Variants in KCNN3 observed in about 807,000 individuals in gnomAD.
KCNN3 encodes small conductance calcium-activated potassium channel protein 3.
In KCNN3, 16 loss-of-function variants were observed where a neutral mutation model predicts 62.9. The observed-to-expected ratio is 0.25, with a 90% CI of 0.17 to 0.39. KCNN3 has a LOEUF of 0.39. KCNN3 is among the 10% of genes least tolerant of loss of function. The pLI is 1.00. For synonymous variants in KCNN3, 370 were observed against 389.2 expected (o/e 0.95, Z 0.58); for missense variants, 599 against 949.4 (o/e 0.63, Z 4.85).
chr1:154,856,395 A>G (rs752175732), intron 1 of KCNN3, among the ~76,000 whole-genome samples: 39 of 152,186 alleles, frequency 2.6e-4, no homozygotes, highest in Non-Finnish European at 4.6e-4. Context: ...ACCATCGATG[A>G]GGACCCCCGC....
In KCNN3 at chr1:154,772,315, T is replaced by C; in HGVS notation, c.1108A>G (p.Met370Val). 1 of 1,614,148 alleles carries C rather than the reference T, an allele frequency of 6.2e-7. No homozygotes were observed. The highest frequency in any genetic ancestry group is 8.5e-7 in the Non-Finnish European group (1 of 1,180,010). ...YERILYISLEMLVCAIHPIPG... is the reference protein window; with the variant it reads ...YERILYISLEVLVCAIHPIPG... ...ATGGGGTGGATGGCGCACACCAGCA[T>C]CTCCAGGCTGATGTACAGGATGCGC... is the stretch of plus-strand genomic sequence containing the variant. The change falls in exon 3 of 8, where the codon ATG becomes GTG. Residue 370 changes from methionine (M) to valine (V), a missense_variant. Met to Val is a conservative substitution (Grantham distance 21, BLOSUM62 1). This residue lies in a region of KCNN3 where 288 missense variants were observed against 557.4 expected (regional missense o/e 0.52). Transcript: ENST00000271915. The surrounding 1 kb of genome is among the most constrained non-coding windows in gnomAD (Gnocchi z 5.6).
intron 1 of KCNN3, among the ~76,000 whole-genome samples, chr1:154,852,945 C>T (rs1652364044): frequency 6.6e-6 from 1 of 152,142 alleles, no homozygotes; most frequent in Non-Finnish European, 1.5e-5. Flanking sequence ...CAATAGACAT[C>T]ACCTTTTTGG....
intron 3 of KCNN3, 119 bp downstream of exon 3, chr1:154,771,856 A>T: frequency 1.0e-6 from 1 of 984,688 alleles, no homozygotes; most frequent in Non-Finnish European, 1.6e-6. Flanking sequence ...GTCTCCTTTC[A>T]GGTGTCTGGG....
intron 2 of KCNN3, among the ~76,000 whole-genome samples, chr1:154,780,194 C>CTTTTTTTTTTTTTTTTTT (rs71077969): frequency 2.0e-5 from 2 of 102,058 alleles, no homozygotes; most frequent in Admixed American, 1.1e-4. Context: ...TTCTTTTTTT[C>CTTTTTTTTTTTTTTTTTT]TTTTTTTTTT....
intron 1 of KCNN3, among the ~76,000 whole-genome samples, chr1:154,849,993 T>C (rs1652238614): frequency 1.3e-5 from 2 of 152,128 alleles, no homozygotes; most frequent in African/African-American, 4.8e-5. Context: ...AGATCCCAGG[T>C]CTTGTGGTAA....
chr1:154,797,481 A>C (rs1649781042), intron 2 of KCNN3, among the ~76,000 whole-genome samples: 1 of 152,172 alleles, frequency 6.6e-6, no homozygotes, highest in Non-Finnish European at 1.5e-5. Context: ...GTCGCCCTTG[A>C]AGCTACAACC....
chr1:154,713,380 G>A (rs1557937368), intron 7 of KCNN3, 84 bp downstream of exon 7: 11 of 1,170,940 alleles, frequency 9.4e-6, no homozygotes, highest in South Asian at 2.4e-5. Flanking sequence ...TGTCCAGTGC[G>A]AACCCAGCCA....
At chr1:154,808,651 A>C (rs1650279122) in intron 2 of KCNN3, among the ~76,000 whole-genome samples, 1 of 152,012 alleles carries the variant, frequency 6.6e-6, no homozygotes, top group Non-Finnish European at 1.5e-5. Flanking sequence ...CCTTTTGTCC[A>C]GTCCTCAGGG....
chr1:154,801,029 C>T (rs1392609447), intron 2 of KCNN3, among the ~76,000 whole-genome samples: 1 of 152,072 alleles, frequency 6.6e-6, no homozygotes, highest in Non-Finnish European at 1.5e-5. Flanking sequence ...AGACCTTATC[C>T]CCCGCTCAAA....
At chr1:154,760,876 C>CGCGAAGAAGCACTCCGGCCCG (rs1323913697) in intron 3 of KCNN3, among the ~76,000 whole-genome samples, 1 of 152,100 alleles carries the variant, frequency 6.6e-6, no homozygotes, top group Non-Finnish European at 1.5e-5. Context: ...ACTCCGGCCC[C>CGCGAAGAAGCACTCCGGCCCG]GCAAAGGCGC....
chr1:154,744,925 C>CCA (rs1700907287), intron 3 of KCNN3, among the ~76,000 whole-genome samples: 1 of 132,464 alleles, frequency 7.5e-6, no homozygotes, highest in Non-Finnish European at 1.7e-5. Flanking sequence ...CACATTAAGG[C>CCA]AAAAAAAAAA....
At chr1:154,815,703 G>C (rs1407592321) in intron 2 of KCNN3, among the ~76,000 whole-genome samples, 1 of 152,198 alleles carries the variant, frequency 6.6e-6, no homozygotes, top group South Asian at 2.1e-4. Flanking sequence ...AATTTAGAGA[G>C]GTCAGTACGT....
chr1:154,732,507 C>A (rs1406548838), intron 4 of KCNN3, among the ~76,000 whole-genome samples: 1 of 152,216 alleles, frequency 6.6e-6, no homozygotes, highest in Non-Finnish European at 1.5e-5. Context: ...ATGTGGACAG[C>A]CCCGTCCAGG....
intron 2 of KCNN3, among the ~76,000 whole-genome samples, chr1:154,790,957 G>T (rs1649488200): frequency 6.6e-6 from 1 of 152,146 alleles, no homozygotes; most frequent in South Asian, 2.1e-4. Context: ...GGCCAAGTGT[G>T]GTGGCTCACG....
At chr1:154,837,982 C>T (rs1475719261) in intron 1 of KCNN3, among the ~76,000 whole-genome samples, 1 of 152,160 alleles carries the variant, frequency 6.6e-6, no homozygotes, top group Non-Finnish European at 1.5e-5. Context: ...AGAGGAGAAG[C>T]CAGGCAGGCC....
chr1:154,753,676 G>T (rs369986854), intron 3 of KCNN3, among the ~76,000 whole-genome samples: 2 of 152,210 alleles, frequency 1.3e-5, no homozygotes, highest in African/African-American at 4.8e-5. Flanking sequence ...AGGGACCGTG[G>T]GTTCCCCGTC....
chr1:154,816,768 T>C (rs1159370259), intron 2 of KCNN3, among the ~76,000 whole-genome samples: 1 of 152,226 alleles, frequency 6.6e-6, no homozygotes, highest in East Asian at 1.9e-4. Context: ...ATTTGCATGC[T>C]GCAGATGAAG....
intron 5 of KCNN3, among the ~76,000 whole-genome samples, chr1:154,720,936 G>A (rs1700333878): frequency 6.6e-6 from 1 of 152,212 alleles, no homozygotes; most frequent in African/African-American, 2.4e-5. Context: ...ACCCTCGTGG[G>A]GTCCAGGGTC....
At chr1:154,724,533 G>T (rs1349003775) in intron 5 of KCNN3, among the ~76,000 whole-genome samples, 1 of 152,120 alleles carries the variant, frequency 6.6e-6, no homozygotes, top group Non-Finnish European at 1.5e-5. Context: ...CTTCCTTCAG[G>T]CTGTAGTTCT....
Sources: allele counts gnomAD v4.1 joint callset (sites outside exome capture counted in the v4.1 genomes callset), GRCh38; gene constraint gnomAD v4.1.1; regional missense constraint gnomAD v4.1.1; non-coding constraint Gnocchi (gnomAD v3.1); transcripts MANE v1.5; gene names NCBI Gene and HGNC (gene_info 2026-07-23, HGNC 2026-07-21).